EML5: variants seen among roughly 807,000 people sequenced by gnomAD.
EML5 encodes echinoderm microtubule-associated protein-like 5.
In EML5, 120 loss-of-function variants were observed where a neutral mutation model predicts 250.0. The observed-to-expected ratio is 0.48, with a 90% CI of 0.41 to 0.56. The LOEUF (loss-of-function observed/expected upper bound fraction) is 0.56. EML5 is among the 20% of genes least tolerant of loss of function. The probability of loss-of-function intolerance (pLI) is 0.00; values close to 1 mark genes in which losing one functional copy is unlikely to be tolerated. For synonymous variants in EML5, 771 were observed against 806.5 expected, an observed-to-expected ratio of 0.96 and a Z score of 0.75; for missense variants, 2,006 against 2,437.6, an observed-to-expected ratio of 0.82 and a Z score of 3.73.
chr14:88,678,628 C>G (rs1042975287), intron 21 of EML5, among the ~76,000 whole-genome samples: 7 of 151,878 alleles, frequency 4.6e-5, no homozygotes, highest in African/African-American at 1.5e-4. Context: ...GTGATTAATA[C>G]CATTATTTCA....
At chr14:88,731,697 T>C (rs1189457071) in intron 7 of EML5, among the ~76,000 whole-genome samples, 1 of 152,164 alleles carries the variant, frequency 6.6e-6, no homozygotes, top group Admixed American at 6.5e-5. Context: ...AGTGTAAAAG[T>C]GTTCCTATTT....
Position 88,726,608 on chromosome 14 carries a change from C to T in EML5, c.1120G>A (p.Val374Ile). ...NMEEPIRCAAVNADGIHLALG... is the reference protein window; with the variant it reads ...NMEEPIRCAAINADGIHLALG... ...GCAAGATGGATTCCATCTGCATTGA[C>T]AGCTGCACAACGAATTGGTTCTTCC... is the stretch of plus-strand genomic sequence containing the variant. Residue 374 changes from valine (V) to isoleucine (I), a missense_variant, in exon 8 of 44, where the codon GTC becomes ATC. This residue lies in a region of EML5 where 1,375 missense variants were observed against 1,590.3 expected (regional missense o/e 0.86). Coordinates refer to ENST00000554922, the MANE Select transcript of EML5 (RefSeq NM_183387.3). The T allele has an allele frequency of 2.5e-6, 4 of 1,590,370 alleles. No individual in the cohort carries two copies. The South Asian group carries it at 3.4e-5, about 14-fold the overall frequency.
chr14:88,618,489 C>A (rs1416342098), intron 40 of EML5, 158 bp from the exon 41 acceptor site: 8 of 1,090,162 alleles, frequency 7.3e-6, no homozygotes, highest in Non-Finnish European at 1.0e-5. Context: ...GAGAAAAGCT[C>A]TGATAAGTGG....
intron 39 of EML5, chr14:88,619,111 A>T (rs1174356080): frequency 5.2e-6 from 1 of 191,876 alleles, no homozygotes; most frequent in Non-Finnish European, 1.1e-5. Context: ...CACACCTATA[A>T]TCCCAGAACT....
At chr14:88,692,696 T>A (rs1390029687) in intron 17 of EML5, among the ~76,000 whole-genome samples, 1 of 152,222 alleles carries the variant, frequency 6.6e-6, no homozygotes, top group Admixed American at 6.5e-5. Context: ...TACAAGTGAC[T>A]AAGGTGCCCA....
chr14:88,646,661 T>C (rs2008334165), intron 29 of EML5, among the ~76,000 whole-genome samples: 2 of 152,174 alleles, frequency 1.3e-5, no homozygotes, highest in African/African-American at 4.8e-5. Flanking sequence ...TTAATTTTTA[T>C]AAATATCATT....
chr14:88,780,660 C>A (rs916203840), intron 1 of EML5, among the ~76,000 whole-genome samples: 3 of 152,102 alleles, frequency 2.0e-5, no homozygotes, highest in African/African-American at 4.8e-5. Context: ...ACTGCAACCT[C>A]CGCCTCCCAG....
chr14:88,707,412 G>C (rs1374837203), intron 10 of EML5, among the ~76,000 whole-genome samples: 1 of 151,896 alleles, frequency 6.6e-6, no homozygotes, highest in Non-Finnish European at 1.5e-5. Flanking sequence ...ACAGGCATGA[G>C]CCACCACATC....
intron 1 of EML5, among the ~76,000 whole-genome samples, chr14:88,770,337 A>G (rs1367013491): frequency 6.6e-6 from 1 of 152,108 alleles, no homozygotes; most frequent in East Asian, 1.9e-4. Context: ...TCTATTTCCT[A>G]TGCTTTTTCT....
intron 8 of EML5, among the ~76,000 whole-genome samples, 157 bp from the exon 9 acceptor site, chr14:88,715,352 C>T (rs986620467): frequency 4.6e-5 from 7 of 152,024 alleles, no homozygotes; most frequent in East Asian, 1.9e-4. Flanking sequence ...AGCAACAATA[C>T]GTTGCTGAAC....
intron 17 of EML5, among the ~76,000 whole-genome samples, chr14:88,691,890 A>G (rs1454650005): frequency 6.6e-6 from 1 of 152,208 alleles, no homozygotes; most frequent in Non-Finnish European, 1.5e-5. Flanking sequence ...CTATACGTCT[A>G]ATCAAACTTA....
At chr14:88,649,209 T>C (rs551341951) in intron 28 of EML5, among the ~76,000 whole-genome samples, 3 of 152,228 alleles carry the variant, frequency 2.0e-5, no homozygotes, top group African/African-American at 7.2e-5. Context: ...TTTTTACTTT[T>C]ATTTTTTGTA....
At chr14:88,767,350 A>G (rs1344819432) in intron 1 of EML5, among the ~76,000 whole-genome samples, 1 of 152,170 alleles carries the variant, frequency 6.6e-6, no homozygotes, top group Non-Finnish European at 1.5e-5. Context: ...AAGTGAGTCA[A>G]CTATACCCTT....
At chr14:88,738,269 A>G (rs893354702) in intron 6 of EML5, among the ~76,000 whole-genome samples, 2 of 152,104 alleles carry the variant, frequency 1.3e-5, no homozygotes, top group East Asian at 1.9e-4. Context: ...ATTTATTCTT[A>G]TTCTCCTTAT....
intron 6 of EML5, 121 bp from the exon 7 acceptor site, chr14:88,736,686 C>G (rs191146625): frequency 3.4e-6 from 3 of 894,162 alleles, no homozygotes; most frequent in East Asian, 2.6e-5. Flanking sequence ...AAACCTAAGA[C>G]AGTTTAAAGC....
chr14:88,625,922 CAGGATATTAA>C (rs1400725602), intron 35 of EML5: 1 of 152,038 alleles, frequency 6.6e-6, no homozygotes. Context: ...CTAGCCAATG[CAGGATATTAA>C]AGGAAAGAGA....
rs745790884 is a variant in EML5, at chr14:88,624,974, T to C, written c.4894A>G (p.Arg1632Gly). ...GTGAAAAGAAAGAGGACTCACGGCC[T>C]TTCCTTTCCCCCAGTCACGATAAGT... The part of the protein sequence containing the change: ...DGLIVTGGKE[R>G]PSKEGGAVKL... The change falls in exon 36 of 44, where the codon AGG becomes GGG. Residue 1632 changes from arginine (R) to glycine (G), a missense_variant. Transcript: ENST00000554922. The C allele has an allele frequency of 3.1e-6, 5 of 1,613,166 alleles. No individual in the cohort carries two copies. Among genetic ancestry groups the C allele is most frequent in the South Asian group, 1.1e-5 (1 of 90,928 alleles).
At chr14:88,679,193 T>C (rs1567109581) in intron 21 of EML5, among the ~76,000 whole-genome samples, 1 of 149,856 alleles carries the variant, frequency 6.7e-6, no homozygotes, top group Non-Finnish European at 1.5e-5. Flanking sequence ...ACTGATTATA[T>C]CTGCTAATAC....
intron 17 of EML5, among the ~76,000 whole-genome samples, chr14:88,692,481 A>G (rs1328828392): frequency 6.6e-6 from 1 of 152,240 alleles, no homozygotes; most frequent in Non-Finnish European, 1.5e-5. Context: ...CATAGCATTT[A>G]CATTATATTA....
Sources: allele counts gnomAD v4.1 joint callset (sites outside exome capture counted in the v4.1 genomes callset), GRCh38; gene constraint gnomAD v4.1.1; regional missense constraint gnomAD v4.1.1; transcripts MANE v1.5; gene names NCBI Gene and HGNC (gene_info 2026-07-23, HGNC 2026-07-21).